FOXN2: variants seen among roughly 807,000 people sequenced by gnomAD.
FOXN2 encodes the protein forkhead box N2.
In FOXN2, 19 loss-of-function variants were observed where a neutral mutation model predicts 41.2. The observed-to-expected ratio is 0.46, with a 90% confidence interval of 0.32 to 0.68. The LOEUF (loss-of-function observed/expected upper bound fraction) is 0.68, where lower values mean the gene tolerates loss of function less well. Among genes scored for constraint, FOXN2 ranks in the 30% least tolerant of loss-of-function variants. The pLI is 0.03. For synonymous variants in FOXN2, 195 were observed against 176.8 expected (o/e 1.10, Z -0.82); for missense variants, 587 against 509.4 (o/e 1.15, Z -1.47).
intron 4 of FOXN2, among the ~76,000 whole-genome samples, chr2:48,361,827 T>G (rs1349091755): frequency 6.6e-6 from 1 of 152,216 alleles, no homozygotes; most frequent in African/African-American, 2.4e-5. Context: ...GAAAGTTTAA[T>G]TTTATGTTTA....
At chr2:48,360,067 A>T (rs1268137170) in intron 4 of FOXN2, among the ~76,000 whole-genome samples, 1 of 152,036 alleles carries the variant, frequency 6.6e-6, no homozygotes, top group Non-Finnish European at 1.5e-5. Context: ...ATATAGTTGT[A>T]CTGTATTTGC....
In FOXN2 at chr2:48,377,066, A is replaced by G. The variant is rs1390981665; in HGVS notation, c.*1623A>G. 2.6e-5 allele frequency: 4 copies of G among 152,064 alleles called. No individual in the cohort carries two copies. The highest frequency in any genetic ancestry group is 5.9e-5 in the Non-Finnish European group (4 of 67,902). The allele number at this position is 152,064 out of a possible 1,614,324, so 9.4% of individuals were successfully genotyped here. A position where few individuals can be genotyped will look rare whatever the true frequency, so the allele number is the denominator to read the frequency against. On this transcript the variant is annotated 3_prime_UTR_variant, in exon 7 of 7. Transcript: ENST00000340553. ...TTTTCAATTGACAAGACTTTAAGTC[A>G]GGGATAACAGTATTAATGTTCTCTG... is the stretch of plus-strand genomic sequence containing the variant.
intron 4 of FOXN2, among the ~76,000 whole-genome samples, chr2:48,360,721 A>G (rs569854510): frequency 6.6e-6 from 1 of 152,092 alleles, no homozygotes; most frequent in East Asian, 1.9e-4. Flanking sequence ...AGGCATTTTA[A>G]ATAATAATTT....
At chr2:48,361,535 A>G (rs1214114556) in intron 4 of FOXN2, among the ~76,000 whole-genome samples, 1 of 152,080 alleles carries the variant, frequency 6.6e-6, no homozygotes, top group East Asian at 1.9e-4. Context: ...TAAACCCTTA[A>G]TATAAAATGA....
intron 6 of FOXN2, among the ~76,000 whole-genome samples, chr2:48,373,675 C>G (rs968501770): frequency 1.3e-5 from 2 of 151,978 alleles, no homozygotes; most frequent in Admixed American, 1.3e-4. Flanking sequence ...TATTTATGAA[C>G]TTGGACTAGG....
intron 2 of FOXN2, among the ~76,000 whole-genome samples, chr2:48,344,093 T>A (rs145057948): frequency 4.5e-4 from 68 of 152,302 alleles, no homozygotes; most frequent in African/African-American, 1.6e-3. Flanking sequence ...ATTATTCAAT[T>A]CTCATTCGTC....
Position 48,346,519 on chromosome 2 carries a change from A to T in FOXN2, c.305A>T (p.Gln102Leu). 3 of 1,613,752 alleles carry T rather than the reference A, an allele frequency of 1.9e-6. No homozygotes were observed. The highest frequency in any genetic ancestry group is 1.7e-6 in the Non-Finnish European group (2 of 1,179,884). ...CCATCCTTTGGACCAGCTTGCTACC[A>T]GAACCCAGAAAAAAAATCAGCGACT... ...DVPSFGPACY[Q>L]NPEKKSATSK... The change falls in exon 3 of 7, where the codon CAG becomes CTG. Residue 102 changes from glutamine (Q) to leucine (L), a missense_variant. Coordinates refer to ENST00000340553, the MANE Select transcript of FOXN2 (RefSeq NM_002158.4).
intron 2 of FOXN2, 54 bp from the exon 3 acceptor site, chr2:48,346,147 C>A: frequency 6.9e-7 from 1 of 1,457,746 alleles, no homozygotes; most frequent in Non-Finnish European, 9.2e-7. Context: ...TTTTCTTTTT[C>A]CCAGAGTTTA....
At chr2:48,348,481 C>G (rs1005989436) in intron 3 of FOXN2, among the ~76,000 whole-genome samples, 3 of 152,098 alleles carry the variant, frequency 2.0e-5, no homozygotes, top group Non-Finnish European at 4.4e-5. Context: ...TGGTCCATCT[C>G]TGGATCTGGT....
chr2:48,346,920 A>T (rs1034766195), intron 3 of FOXN2, among the ~76,000 whole-genome samples, 169 bp downstream of exon 3: 1 of 152,186 alleles, frequency 6.6e-6, no homozygotes, highest in Non-Finnish European at 1.5e-5. Flanking sequence ...AAATTTCTTA[A>T]ATATTGATAT....
At chr2:48,348,935 T>C (rs1465722760) in intron 3 of FOXN2, among the ~76,000 whole-genome samples, 14 of 152,216 alleles carry the variant, frequency 9.2e-5, no homozygotes, top group South Asian at 2.1e-4. Context: ...GCAAGGCTTT[T>C]GGATGGGGCA....
chr2:48,332,063 A>G (rs778428218), intron 2 of FOXN2, among the ~76,000 whole-genome samples: 6 of 152,204 alleles, frequency 3.9e-5, no homozygotes, highest in Non-Finnish European at 8.8e-5. Context: ...CTGAAACAGA[A>G]TAGTACATTC....
At chr2:48,359,654 T>G (rs1672048457) in intron 4 of FOXN2, among the ~76,000 whole-genome samples, 1 of 151,964 alleles carries the variant, frequency 6.6e-6, no homozygotes, top group Non-Finnish European at 1.5e-5. Flanking sequence ...GATAAGACAT[T>G]AGCCTAAGTT....
At chr2:48,370,876 A>G (rs1314881422) in intron 5 of FOXN2, among the ~76,000 whole-genome samples, 3 of 152,152 alleles carry the variant, frequency 2.0e-5, no homozygotes, top group Non-Finnish European at 2.9e-5. Flanking sequence ...TCCCAGACCA[A>G]TGTCCTGAAG....
intron 2 of FOXN2, among the ~76,000 whole-genome samples, chr2:48,341,505 A>T (rs908915195): frequency 3.3e-5 from 5 of 152,204 alleles, no homozygotes; most frequent in African/African-American, 1.2e-4. Context: ...AATATATTAA[A>T]ACATATATGA....
At chr2:48,319,320 A>T (rs1171873046) in intron 1 of FOXN2, among the ~76,000 whole-genome samples, 1 of 152,128 alleles carries the variant, frequency 6.6e-6, no homozygotes, top group Non-Finnish European at 1.5e-5. Flanking sequence ...AGTGATAATA[A>T]ACGTTTTTGG....
intron 3 of FOXN2, among the ~76,000 whole-genome samples, chr2:48,347,244 T>TTG (rs1553412480): frequency 7.0e-6 from 1 of 142,442 alleles, no homozygotes; most frequent in Non-Finnish European, 1.5e-5. Context: ...TTTTTTTTTT[T>TTG]GTGAGACAGT....
At chr2:48,324,047 A>C (rs540505743) in intron 1 of FOXN2, among the ~76,000 whole-genome samples, 3 of 152,064 alleles carry the variant, frequency 2.0e-5, no homozygotes. Context: ...TATTTTAAAA[A>C]TTTTCTTTTG....
chr2:48,361,025 A>T (rs1672139128), intron 4 of FOXN2, among the ~76,000 whole-genome samples: 1 of 152,022 alleles, frequency 6.6e-6, no homozygotes, highest in Non-Finnish European at 1.5e-5. Flanking sequence ...AAAAAAAAAA[A>T]AAGATTATAT....
Sources: allele counts gnomAD v4.1 joint callset (sites outside exome capture counted in the v4.1 genomes callset), GRCh38; gene constraint gnomAD v4.1.1; transcripts MANE v1.5; gene names NCBI Gene and HGNC (gene_info 2026-07-23, HGNC 2026-07-21).